Variants in INSC observed in about 807,000 individuals in gnomAD.
INSC encodes the protein protein inscuteable homolog.
A neutral mutation model predicts 58.6 loss-of-function variants in INSC; 67 were observed. That is an observed-to-expected ratio of 1.14 (90% CI 0.94 to 1.40). The LOEUF is 1.40. Among genes scored for constraint, INSC ranks in the 40% most tolerant of loss-of-function variants. The probability of loss-of-function intolerance (pLI) is 0.00; values close to 1 mark genes in which losing one functional copy is unlikely to be tolerated. For missense variants in INSC, 714 were observed against 692.0 expected (o/e 1.03, Z -0.36); for synonymous variants, 262 against 276.1 (o/e 0.95, Z 0.51).
chr11:15,213,087 A>G (rs1023683152), intron 7 of INSC, among the ~76,000 whole-genome samples: 1 of 151,906 alleles, frequency 6.6e-6, no homozygotes, highest in Non-Finnish European at 1.5e-5. Context: ...TATTACAGAT[A>G]TCTCTAGAAC....
At chr11:15,129,913 G>C (rs948485160) in intron 1 of INSC, among the ~76,000 whole-genome samples, 4 of 152,212 alleles carry the variant, frequency 2.6e-5, no homozygotes, top group Non-Finnish European at 4.4e-5. Context: ...GTCTGTGCCT[G>C]GTGGAACCAG....
Position 15,114,978 on chromosome 11 carries a change from C to A in INSC, c.-71C>A, listed in dbSNP as rs1448371972. 1 of 985,366 alleles carries A rather than the reference C, an allele frequency of 1.0e-6. No individual in the cohort carries two copies. Among genetic ancestry groups the A allele is most frequent in the African/African-American group, 1.7e-5 (1 of 57,248 alleles). The allele number at this position is 985,366 out of a possible 1,614,324, so 61.0% of individuals were successfully genotyped here. Reference sequence around the variant, plus strand: ...GCGCCCCGCCACCACTGGCCGCTCGCACTACCAGCCTGTCTCGCACGCTAA... The same window carrying A: ...GCGCCCCGCCACCACTGGCCGCTCGAACTACCAGCCTGTCTCGCACGCTAA... On this transcript the variant is annotated 5_prime_UTR_variant, in exon 1 of 13. Transcript: ENST00000379556.
At chr11:15,165,200 G>T (rs1050613965) in intron 2 of INSC, among the ~76,000 whole-genome samples, 4 of 152,028 alleles carry the variant, frequency 2.6e-5, no homozygotes, top group Non-Finnish European at 5.9e-5. Context: ...TTTCATGTGG[G>T]GGTTTGAAGA....
chr11:15,246,569 G>C lies in INSC; in HGVS notation c.*529G>C, dbSNP rs964600826. On this transcript the variant is annotated 3_prime_UTR_variant, in exon 13 of 13. Transcript: ENST00000379556. ...AAATTGTATTTTAAACTAGGTTCTT[G>C]CTTCCCAGGTTTCATTCCCCAAAAA... is the stretch of plus-strand genomic sequence containing the variant. 1 of 152,576 alleles carries C rather than the reference G, an allele frequency of 6.6e-6. No homozygotes were observed. The highest frequency in any genetic ancestry group is 1.5e-5 in the Non-Finnish European group (1 of 68,070). 9.5% of individuals were successfully genotyped at this position (152,576 alleles called of 1,614,324 possible). A position where few individuals can be genotyped will look rare whatever the true frequency, so the allele number is the denominator to read the frequency against.
intron 1 of INSC, among the ~76,000 whole-genome samples, chr11:15,129,479 A>T (rs1323699931): frequency 6.6e-6 from 1 of 152,258 alleles, no homozygotes; most frequent in Non-Finnish European, 1.5e-5. Flanking sequence ...TTTATGGCGA[A>T]TTAACATTTC....
intron 2 of INSC, among the ~76,000 whole-genome samples, chr11:15,162,359 C>G (rs143510758): frequency 1.3e-5 from 2 of 152,128 alleles, no homozygotes; most frequent in Non-Finnish European, 2.9e-5. Context: ...AGGCTCTGAC[C>G]GCCTGCAATG....
At chr11:15,219,988 ATTAAGCACATCCAGGTGAATT>A (rs1236034718) in intron 7 of INSC, among the ~76,000 whole-genome samples, 4 of 152,130 alleles carry the variant, frequency 2.6e-5, no homozygotes, top group African/African-American at 9.7e-5. Flanking sequence ...GTTCCCTTTT[ATTAAGCACATCCAGGTGAATT>A]TTATTGTGGA....
At chr11:15,238,459 G>A (rs536853790) in intron 10 of INSC, among the ~76,000 whole-genome samples, 24 of 152,250 alleles carry the variant, frequency 1.6e-4, no homozygotes, top group African/African-American at 4.1e-4. Flanking sequence ...AGTTTCTTTC[G>A]TTTTCTTAAT....
chr11:15,235,608 A>G lies in INSC; in HGVS notation c.1177A>G (p.Thr393Ala). The change falls in exon 10 of 13, where the codon ACC becomes GCC. Residue 393 changes from threonine to alanine, a missense_variant. Physicochemically the swap from Thr to Ala is moderately conservative, Grantham distance 58. Coordinates refer to ENST00000379556, the MANE Select transcript of INSC (RefSeq NM_001042536.3). ...DTPYTRDQIVTILANMSVLEQ... is the reference protein window; with the variant it reads ...DTPYTRDQIVAILANMSVLEQ... ...TCTAAATTATCTTTTCCAGATTGTG[A>G]CCATCTTGGCAAACATGTCTGTCCT... The G allele has an allele frequency of 6.2e-7, 1 of 1,613,578 alleles. No individual in the cohort carries two copies. The highest frequency in any genetic ancestry group is 8.5e-7 in the Non-Finnish European group (1 of 1,179,528).
At chr11:15,199,261 A>G (rs535191007) in intron 6 of INSC, among the ~76,000 whole-genome samples, 1 of 152,320 alleles carries the variant, frequency 6.6e-6, no homozygotes, top group South Asian at 2.1e-4. Context: ...AAAAGAAATG[A>G]GGGGAATTCA....
chr11:15,225,393 A>G (rs1021273160), intron 8 of INSC, among the ~76,000 whole-genome samples: 1 of 152,196 alleles, frequency 6.6e-6, no homozygotes, highest in Non-Finnish European at 1.5e-5. Flanking sequence ...CCCCAGTGGC[A>G]CCTGACACAT....
chr11:15,151,016 GAGA>G lies in INSC; in HGVS notation c.56+1789_56+1791del, dbSNP rs577276122. Reference sequence around the variant, plus strand: ...GTAGTAGAAGTGCTTGGGTCCAGGAGAGAAGGTCTCTCTAGAGCCTGAGGGTGC... The same window carrying G: ...GTAGTAGAAGTGCTTGGGTCCAGGAGAGGTCTCTCTAGAGCCTGAGGGTGC... On this transcript the variant is annotated intron_variant, in intron 2 of 12. Transcript: ENST00000379556. 5.9e-5 allele frequency among the ~76,000 whole-genome samples: 9 copies of G among 152,304 alleles called. No individual in the cohort carries two copies. In the East Asian group the frequency reaches 1.7e-3, roughly 29 times the overall value.
the INSC span, among the ~76,000 whole-genome samples, chr11:15,261,592 G>A: frequency 6.6e-6 from 1 of 152,158 alleles, no homozygotes; most frequent in South Asian, 2.1e-4. Context: ...AAGTTAGGTG[G>A]TAACTACTAA....
At chr11:15,147,308 G>T (rs1353527491) in intron 1 of INSC, among the ~76,000 whole-genome samples, 2 of 152,052 alleles carry the variant, frequency 1.3e-5, no homozygotes, top group Admixed American at 1.3e-4. Flanking sequence ...AATAACGATG[G>T]TGATAACATG....
At chr11:15,198,994 C>G (rs11023470) in intron 6 of INSC, among the ~76,000 whole-genome samples, 33,773 of 152,008 alleles carry the variant, frequency 0.22, 4,761 homozygotes, top group East Asian at 0.72. Flanking sequence ...TACAACCCCC[C>G]ACCCTCCGAG....
chr11:15,140,505 G>T (rs1848343084), intron 1 of INSC, among the ~76,000 whole-genome samples: 1 of 152,100 alleles, frequency 6.6e-6, no homozygotes, highest in Non-Finnish European at 1.5e-5. Context: ...AAGCCTGTGT[G>T]CATGTCCCAG....
chr11:15,114,835 G>A (rs1847652017), upstream of INSC: 3 of 656,598 alleles, frequency 4.6e-6, no homozygotes, highest in African/African-American at 2.1e-5. Context: ...GGCTGCGACC[G>A]CCTCGGAGAG....
intron 1 of INSC, among the ~76,000 whole-genome samples, chr11:15,115,569 A>G (rs538273222): frequency 6.6e-6 from 1 of 152,184 alleles, no homozygotes; most frequent in African/African-American, 2.4e-5. Context: ...ACTGGAGTGA[A>G]TGTGGCTCTG....
At chr11:15,261,119 T>C in the INSC span, among the ~76,000 whole-genome samples, 1 of 152,340 alleles carries the variant, frequency 6.6e-6, no homozygotes, top group South Asian at 2.1e-4. Flanking sequence ...TCCAAGAGAC[T>C]GAGAACTTGG....
Sources: gnomAD v4.1 joint callset for allele counts (sites outside exome capture counted in the v4.1 genomes callset) on GRCh38, gnomAD v4.1.1 for gene constraint, MANE v1.5 for transcripts, NCBI Gene and HGNC (gene_info 2026-07-23, HGNC 2026-07-21) for gene names.